Variants in GPBP1L1 observed in about 807,000 individuals in gnomAD.
The protein encoded by GPBP1L1 is vasculin-like protein 1.
GPBP1L1 carries 23 observed loss-of-function variants against 52.5 expected under a neutral mutation model. The ratio of observed to expected loss-of-function variants is 0.44; its 90% CI spans 0.32 to 0.62. The LOEUF is 0.62. Among genes scored for constraint, GPBP1L1 ranks in the 20% least tolerant of loss-of-function variants. The probability of loss-of-function intolerance (pLI) is 0.06; values close to 1 mark genes in which losing one functional copy is unlikely to be tolerated. For missense variants in GPBP1L1, 596 were observed against 579.3 expected (o/e 1.03, Z -0.30); for synonymous variants, 243 against 203.1 (o/e 1.20, Z -1.67).
intron 8 of GPBP1L1, among the ~76,000 whole-genome samples, chr1:45,639,070 T>C (rs1644634008): frequency 1.3e-5 from 2 of 152,178 alleles, no homozygotes. Flanking sequence ...AGGCAATGTG[T>C]AACAAAAATC....
intron 2 of GPBP1L1, among the ~76,000 whole-genome samples, chr1:45,683,425 T>C (rs1186935927): frequency 1.3e-5 from 2 of 151,144 alleles, no homozygotes; most frequent in Admixed American, 1.3e-4. Flanking sequence ...CAAGATGGTC[T>C]CCATCTCCTG....
chr1:45,663,658 TGAA>T (rs1644974237), intron 2 of GPBP1L1, among the ~76,000 whole-genome samples: 1 of 152,012 alleles, frequency 6.6e-6, no homozygotes, highest in Non-Finnish European at 1.5e-5. Context: ...AAATAAAAAA[TGAA>T]GAAGACAGAT....
chr1:45,681,957 A>C (rs1193277928), intron 2 of GPBP1L1, among the ~76,000 whole-genome samples: 2 of 152,184 alleles, frequency 1.3e-5, no homozygotes, highest in African/African-American at 4.8e-5. Flanking sequence ...AAATTACTTA[A>C]CTTCTTGGAA....
chr1:45,670,494 CTT>C (rs1645060947), intron 2 of GPBP1L1, among the ~76,000 whole-genome samples: 1 of 152,072 alleles, frequency 6.6e-6, no homozygotes. Flanking sequence ...ATTTCTGTGT[CTT>C]GTTTGTAACA....
At chr1:45,680,557 T>A (rs11211160) in intron 2 of GPBP1L1, among the ~76,000 whole-genome samples, 43,859 of 151,764 alleles carry the variant, frequency 0.29, 6,441 homozygotes, top group South Asian at 0.37. Flanking sequence ...CTTTTTTTTT[T>A]TAAAAAGAAT....
intron 2 of GPBP1L1, among the ~76,000 whole-genome samples, chr1:45,671,317 C>A (rs1405715856): frequency 6.8e-6 from 1 of 147,900 alleles, no homozygotes; most frequent in South Asian, 2.2e-4. Flanking sequence ...TCAAGCAAAT[C>A]TCGTGCCTCA....
Position 45,660,608 on chromosome 1 carries a change from G to A in GPBP1L1, c.-480C>T. 6 of 967,374 alleles carry A rather than the reference G, an allele frequency of 6.2e-6. No individual in the cohort carries two copies. The highest frequency in any genetic ancestry group is 7.4e-6 in the Non-Finnish European group (6 of 813,558). 59.9% of individuals were successfully genotyped at this position (967,374 alleles called of 1,614,324 possible). A position where few individuals can be genotyped will look rare whatever the true frequency, so the allele number is the denominator to read the frequency against. On this transcript the variant is annotated 5_prime_UTR_variant, in exon 3 of 13. Transcript: ENST00000355105. ...CAAGGTCATAGCTAGAAAGACAGAT[G>A]GGCTCAAGTGTGGACAAATAATGTC...
intron 2 of GPBP1L1, among the ~76,000 whole-genome samples, chr1:45,683,635 G>A (rs897720837): frequency 6.6e-6 from 1 of 151,298 alleles, no homozygotes; most frequent in African/African-American, 2.4e-5. Flanking sequence ...AACACTTTGG[G>A]AGGCCAAAGT....
At chr1:45,653,530 A>G (rs886703344) in intron 6 of GPBP1L1, among the ~76,000 whole-genome samples, 3 of 151,672 alleles carry the variant, frequency 2.0e-5, no homozygotes, top group African/African-American at 4.8e-5. Flanking sequence ...TAATTTTTCA[A>G]AAATTTTTTA....
At chr1:45,656,469 A>G (rs1424175257) in intron 4 of GPBP1L1, among the ~76,000 whole-genome samples, 1 of 152,152 alleles carries the variant, frequency 6.6e-6, no homozygotes, top group Non-Finnish European at 1.5e-5. Flanking sequence ...TTTTCTCTTA[A>G]AAGTTTTATG....
intron 2 of GPBP1L1, among the ~76,000 whole-genome samples, chr1:45,668,545 T>G (rs898773648): frequency 2.6e-5 from 4 of 152,068 alleles, no homozygotes; most frequent in African/African-American, 9.7e-5. Context: ...TCCTAGCTAG[T>G]TGGGCTGTTG....
At chr1:45,646,469 G>T (rs1470894337) in intron 6 of GPBP1L1, among the ~76,000 whole-genome samples, 1 of 152,018 alleles carries the variant, frequency 6.6e-6, no homozygotes, top group African/African-American at 2.4e-5. Flanking sequence ...TTTTGTAAGA[G>T]TATGTCTTAG....
At chr1:45,644,557 ATTTT>A (rs5773888) in intron 6 of GPBP1L1, among the ~76,000 whole-genome samples, 4 of 149,808 alleles carry the variant, frequency 2.7e-5, no homozygotes, top group Admixed American at 1.3e-4. Context: ...TGATCACTGC[ATTTT>A]TTTTTTTTAC....
chr1:45,664,990 TA>T (rs1024502216), intron 2 of GPBP1L1, among the ~76,000 whole-genome samples: 1 of 150,946 alleles, frequency 6.6e-6, no homozygotes, highest in Admixed American at 6.6e-5. Context: ...ATAGAACTGT[TA>T]AAAAAGATGA....
intron 6 of GPBP1L1, chr1:45,646,131 G>C (rs866755859): frequency 5.0e-6 from 2 of 400,184 alleles, no homozygotes; most frequent in African/African-American, 4.2e-5. Context: ...AAGAACCGGC[G>C]TTTCCCTCTC....
rs1226339611 is a variant in GPBP1L1 at position 45,683,560 on chromosome 1, CT to C, written c.-1098+2015del. Among the ~76,000 whole-genome samples, 8 of 149,582 alleles carry C rather than the reference CT, an allele frequency of 5.3e-5. No homozygotes were observed. The East Asian group carries it at 1.6e-3, about 31-fold the overall frequency. ...GAATCTCTGGACTCCTTTTCCTCAACTACAAAATAGGGTATAAAACAGTATC... is the reference window on the plus strand; with the variant it reads ...GAATCTCTGGACTCCTTTTCCTCAACACAAAATAGGGTATAAAACAGTATC... On this transcript the variant is annotated intron_variant, in intron 2 of 12. Coordinates refer to ENST00000355105, the MANE Select transcript of GPBP1L1 (RefSeq NM_021639.5).
At chr1:45,684,088 C>A (rs1645247943) in intron 2 of GPBP1L1, among the ~76,000 whole-genome samples, 1 of 151,638 alleles carries the variant, frequency 6.6e-6, no homozygotes, top group African/African-American at 2.4e-5. Flanking sequence ...TGAAACCCAT[C>A]TCTACTAAAA....
At chr1:45,680,482 G>A (rs910615308) in intron 2 of GPBP1L1, among the ~76,000 whole-genome samples, 34 of 151,672 alleles carry the variant, frequency 2.2e-4, no homozygotes, top group African/African-American at 6.5e-4. Flanking sequence ...CATGTGATCC[G>A]CCTGCCTCAG....
intron 11 of GPBP1L1, 102 bp from the exon 12 acceptor site, chr1:45,629,780 G>C (rs111416726): frequency 1.3e-6 from 1 of 744,770 alleles, no homozygotes; most frequent in African/African-American, 1.7e-5. Context: ...AGGGGCAATG[G>C]ATGTTAAAGA....
Sources: gnomAD v4.1 joint callset for allele counts (sites outside exome capture counted in the v4.1 genomes callset) on GRCh38, gnomAD v4.1.1 for gene constraint, MANE v1.5 for transcripts, NCBI Gene and HGNC (gene_info 2026-07-23, HGNC 2026-07-21) for gene names.